The following FHL5 variants were observed in gnomAD, a reference collection of about 807,000 sequenced individuals.
FHL5 encodes the protein four and a half LIM domains 5.
A neutral mutation model predicts 32.0 loss-of-function variants in FHL5; 33 were observed. The ratio of observed to expected loss-of-function variants is 1.03; its 90% CI spans 0.78 to 1.38. The LOEUF (loss-of-function observed/expected upper bound fraction) is 1.38. Ranked by LOEUF, FHL5 falls within the 40% of genes most tolerant of loss-of-function variation. The probability of loss-of-function intolerance (pLI) is 0.00; values close to 1 mark genes in which losing one functional copy is unlikely to be tolerated. For synonymous variants in FHL5, 114 were observed against 113.6 expected (o/e 1.00, Z -0.02); for missense variants, 336 against 343.9 (o/e 0.98, Z 0.18).
In FHL5 at chr6:96,597,767, G is replaced by T. The variant is rs544157218; in HGVS notation, c.-12-5835G>T. 3.3e-5 allele frequency among the ~76,000 whole-genome samples: 5 copies of T among 152,184 alleles called. No homozygotes were observed. The South Asian group carries it at 1.0e-3, about 32-fold the overall frequency. ...TGTCACTGCCCTTCCCAGTTCTGCT[G>T]CTGCATCTAAATGCCCTTCTCCACA... On this transcript the variant is annotated intron_variant, in intron 1 of 5. Coordinates refer to ENST00000450218, the MANE Select transcript of FHL5 (RefSeq NM_001322466.2).
intron 4 of FHL5, among the ~76,000 whole-genome samples, chr6:96,609,706 C>T (rs1157621711): frequency 6.6e-6 from 1 of 152,180 alleles, no homozygotes; most frequent in Non-Finnish European, 1.5e-5. Context: ...TTTATTCATT[C>T]ATTCAACAAG....
At chr6:96,603,965 C>T (rs1429509746) in intron 2 of FHL5, among the ~76,000 whole-genome samples, 193 bp downstream of exon 2, 2 of 152,162 alleles carry the variant, frequency 1.3e-5, no homozygotes, top group African/African-American at 4.8e-5. Context: ...ATGCTTAATC[C>T]TCACATGATC....
intron 2 of FHL5, among the ~76,000 whole-genome samples, chr6:96,604,329 CTCTG>C (rs891587515): frequency 6.6e-6 from 1 of 150,970 alleles, no homozygotes; most frequent in African/African-American, 2.4e-5. Flanking sequence ...CTCTCTCTCT[CTCTG>C]TCTCTTTCTT....
chr6:96,613,677 T>C (rs972426455), intron 5 of FHL5, among the ~76,000 whole-genome samples: 2 of 152,226 alleles, frequency 1.3e-5, no homozygotes, highest in Non-Finnish European at 2.9e-5. Context: ...AAAGATAAAC[T>C]CAAACTTAGT....
chr6:96,572,002 G>A (rs558221550), intron 1 of FHL5, among the ~76,000 whole-genome samples: 6 of 152,146 alleles, frequency 3.9e-5, no homozygotes, highest in Non-Finnish European at 7.4e-5. Context: ...CCTAGATAGA[G>A]GGGTACTTCT....
intron 1 of FHL5, among the ~76,000 whole-genome samples, chr6:96,586,162 C>T (rs916920446): frequency 6.6e-6 from 1 of 152,216 alleles, no homozygotes; most frequent in Non-Finnish European, 1.5e-5. Context: ...TCCATGACCA[C>T]TATGAGCACA....
intron 5 of FHL5, among the ~76,000 whole-genome samples, chr6:96,612,232 A>T (rs1281828628): frequency 6.6e-6 from 1 of 152,110 alleles, no homozygotes; most frequent in African/African-American, 2.4e-5. Context: ...TAGCCAAGAG[A>T]TCTCCACTGA....
At chr6:96,615,096 A>G (rs1771489081) in intron 5 of FHL5, among the ~76,000 whole-genome samples, 1 of 152,240 alleles carries the variant, frequency 6.6e-6, no homozygotes, top group Non-Finnish European at 1.5e-5. Context: ...ACAACTAAGC[A>G]CAGAAAAATG....
At chr6:96,569,233 C>A (rs1366021305) in intron 1 of FHL5, among the ~76,000 whole-genome samples, 1 of 151,846 alleles carries the variant, frequency 6.6e-6, no homozygotes, top group East Asian at 1.9e-4. Context: ...TGTATAATTT[C>A]TATGTATTTG....
At chr6:96,601,294 A>C (rs1299697806) in intron 1 of FHL5, among the ~76,000 whole-genome samples, 1 of 152,224 alleles carries the variant, frequency 6.6e-6, no homozygotes, top group African/African-American at 2.4e-5. Flanking sequence ...AGATCACACC[A>C]CAGCACTCCA....
chr6:96,581,978 T>C (rs1356146608), intron 1 of FHL5, among the ~76,000 whole-genome samples: 2 of 152,164 alleles, frequency 1.3e-5, no homozygotes, highest in Non-Finnish European at 2.9e-5. Flanking sequence ...GCCCCAACCA[T>C]GTGCTGAGCC....
At position 96,603,587 on chromosome 6, in the gene FHL5, C is replaced by T; in HGVS notation, c.-12-15C>T. On this transcript the variant is annotated splice_polypyrimidine_tract_variant and intron_variant, in intron 1 of 5. Coordinates refer to ENST00000450218, the MANE Select transcript of FHL5 (RefSeq NM_001322466.2). ...ATTCTGCTTTTATATACATTAATCA[C>T]TTTGTCATTCATAGGATCAAACCAA... 9 of 1,594,882 alleles carry T rather than the reference C, an allele frequency of 5.6e-6. No homozygotes were observed. Among genetic ancestry groups the T allele is most frequent in the Non-Finnish European group, 7.7e-6 (9 of 1,168,864 alleles).
intron 1 of FHL5, among the ~76,000 whole-genome samples, chr6:96,581,835 T>C (rs1360069757): frequency 1.3e-5 from 2 of 152,164 alleles, no homozygotes; most frequent in African/African-American, 2.4e-5. Flanking sequence ...AGAATACTTG[T>C]TGAATTTTCC....
chr6:96,562,585 G>A, upstream of FHL5: 1 of 152,420 alleles, frequency 6.6e-6, no homozygotes, highest in Non-Finnish European at 1.5e-5. Flanking sequence ...AGTCCACACT[G>A]CAAGTCCAGA....
At chr6:96,566,377 C>CT (rs1345191522) in intron 1 of FHL5, among the ~76,000 whole-genome samples, 1 of 151,870 alleles carries the variant, frequency 6.6e-6, no homozygotes, top group Non-Finnish European at 1.5e-5. Flanking sequence ...ATATATAGCA[C>CT]TTTTTTTAAT....
intron 1 of FHL5, among the ~76,000 whole-genome samples, chr6:96,592,873 G>T (rs1019001008): frequency 6.6e-6 from 1 of 152,110 alleles, no homozygotes; most frequent in Admixed American, 6.6e-5. Context: ...GTGTCCAAGT[G>T]TGTTTTTCAG....
intron 1 of FHL5, among the ~76,000 whole-genome samples, chr6:96,566,611 A>G (rs961153942): frequency 7.9e-5 from 12 of 152,024 alleles, no homozygotes; most frequent in Non-Finnish European, 1.2e-4. Context: ...ATATGCATAT[A>G]TTCCAAATAA....
intron 1 of FHL5, among the ~76,000 whole-genome samples, chr6:96,578,577 C>G (rs1770633192): frequency 6.6e-6 from 1 of 152,124 alleles, no homozygotes; most frequent in Non-Finnish European, 1.5e-5. Context: ...CACAGTGGCT[C>G]ACGCCTGTAA....
At chr6:96,577,082 T>A (rs190020031) in intron 1 of FHL5, among the ~76,000 whole-genome samples, 1 of 152,308 alleles carries the variant, frequency 6.6e-6, no homozygotes, top group East Asian at 1.9e-4. Context: ...CAACTTTGCC[T>A]AAATTTCTGA....
Sources: allele counts gnomAD v4.1 joint callset (sites outside exome capture counted in the v4.1 genomes callset), GRCh38; gene constraint gnomAD v4.1.1; transcripts MANE v1.5; gene names NCBI Gene and HGNC (gene_info 2026-07-23, HGNC 2026-07-21).